Variants in DHX40 observed in about 807,000 individuals in gnomAD.
DHX40 encodes probable ATP-dependent RNA helicase DHX40.
DHX40 carries 28 observed loss-of-function variants against 89.6 expected under a neutral mutation model. The observed-to-expected ratio is 0.31, with a 90% CI of 0.23 to 0.43. DHX40 has a LOEUF of 0.43. DHX40 is among the 20% of genes least tolerant of loss of function. The pLI, the probability that DHX40 is intolerant of heterozygous loss-of-function variation, is 1.00. For missense variants in DHX40, 457 were observed against 844.0 expected (o/e 0.54, Z 5.68); for synonymous variants, 226 against 283.6 (o/e 0.80, Z 2.04).
At chr17:59,602,691 T>G in intron 15 of DHX40, 75 bp downstream of exon 15, 1 of 1,231,422 alleles carries the variant, frequency 8.1e-7, no homozygotes, top group Non-Finnish European at 1.2e-6. Flanking sequence ...TATTTAATAT[T>G]AAACATTGAA....
At chr17:59,583,221 C>T (rs1255887287) in intron 10 of DHX40, among the ~76,000 whole-genome samples, 3 of 4,058 alleles carry the variant, frequency 7.4e-4, no homozygotes, top group Middle Eastern at 0.021. Flanking sequence ...AGTATAGTTG[C>T]CAGATAGCCC....
intron 3 of DHX40, among the ~76,000 whole-genome samples, chr17:59,571,968 T>C (rs1382623424): frequency 6.6e-6 from 1 of 152,240 alleles, no homozygotes; most frequent in African/African-American, 2.4e-5. Flanking sequence ...GTCACTCTTA[T>C]TTCACTGAGC....
intron 7 of DHX40, among the ~76,000 whole-genome samples, chr17:59,575,995 T>C (rs2048877037): frequency 6.8e-6 from 1 of 147,772 alleles, no homozygotes; most frequent in Admixed American, 6.7e-5. Flanking sequence ...GTTCAAGCGA[T>C]TCTCCTTCCT....
chr17:59,585,270 G>A (rs1208124829), intron 10 of DHX40, among the ~76,000 whole-genome samples: 1 of 109,218 alleles, frequency 9.2e-6, no homozygotes, highest in Non-Finnish European at 1.8e-5. Context: ...CATGGTGGCA[G>A]GTGCCTGTAA....
At chr17:59,603,932 T>C (rs966913900) in intron 15 of DHX40, 1 of 152,156 alleles carries the variant, frequency 6.6e-6, no homozygotes, top group African/African-American at 2.4e-5. Context: ...CTGAGGGACA[T>C]ACCACACAGT....
chr17:59,599,384 A>G lies in DHX40; in HGVS notation c.1707A>G (p.Pro569=). Residue 569 remains proline, a synonymous_variant, in exon 14 of 18, where the codon CCA becomes CCG. Transcript: ENST00000251241. ...GTTTTTTGTTTTGCAGTGGAGCTCC[A>G]GCTTCATGGTGCCAAAAACACTGGA... ...IFEQCKSSGA[P]ASWCQKHWIH... is the part of the protein sequence containing the mutation. 2 of 1,570,876 alleles carry G rather than the reference A, an allele frequency of 1.3e-6. No homozygotes were observed. Among genetic ancestry groups the G allele is most frequent in the Non-Finnish European group, 8.7e-7 (1 of 1,149,992 alleles).
At position 59,565,766 on chromosome 17, in the gene DHX40, T is replaced by A. The variant is rs1440164378; in HGVS notation, c.95T>A (p.Val32Asp). 6.2e-7 allele frequency: 1 copy of A among 1,602,918 alleles called. No homozygotes were observed. The highest frequency in any genetic ancestry group is 8.5e-7 in the Non-Finnish European group (1 of 1,178,344). ...RDLQEERLSA[V>D]CIADREEKGC... ...CTCCAGGAAGAGCGGCTCTCGGCTG[T>A]TTGCATCGCCGATAGAGGTGCGGTC... The change falls in exon 1 of 18, where the codon GTT becomes GAT. Residue 32 changes from valine to aspartate, a missense_variant. Val to Asp is a radical substitution (Grantham distance 152). Transcript: ENST00000251241.
chr17:59,605,837 C>T (rs1463056280), intron 17 of DHX40, 163 bp downstream of exon 17: 2 of 722,918 alleles, frequency 2.8e-6, no homozygotes, highest in African/African-American at 1.7e-5. Flanking sequence ...TGTTGGTGTG[C>T]ACCTGTAGTC....
intron 17 of DHX40, 100 bp downstream of exon 17, chr17:59,605,774 C>A: frequency 1.8e-6 from 2 of 1,133,470 alleles, no homozygotes; most frequent in African/African-American, 1.5e-5. Flanking sequence ...CCCACCTGGG[C>A]AATGTGGTGA....
chr17:59,585,685 T>C (rs1598155983), intron 10 of DHX40, among the ~76,000 whole-genome samples: 2 of 151,060 alleles, frequency 1.3e-5, no homozygotes, highest in East Asian at 3.9e-4. Context: ...ATCGTGCCAT[T>C]GCACTCCAGC....
chr17:59,570,800 A>AAGGG, intron 3 of DHX40, 137 bp downstream of exon 3: 2 of 803,148 alleles, frequency 2.5e-6, no homozygotes, highest in Non-Finnish European at 3.6e-6. Context: ...CTCCTACCTC[A>AAGGG]GCCCCTTGGG....
At chr17:59,603,120 T>C (rs2030636750) in intron 15 of DHX40, among the ~76,000 whole-genome samples, 1 of 152,088 alleles carries the variant, frequency 6.6e-6, no homozygotes, top group African/African-American at 2.4e-5. Flanking sequence ...CATAACTCTG[T>C]GAGTGATAAT....
At chr17:59,566,842 C>G (rs1555587354) in intron 2 of DHX40, 48 bp downstream of exon 2, 1 of 1,492,720 alleles carries the variant, frequency 6.7e-7, no homozygotes, top group East Asian at 2.4e-5. Context: ...AAAATATCCT[C>G]TTTTTAAAGG....
chr17:59,570,709 G>A, intron 3 of DHX40, 46 bp downstream of exon 3: 1 of 1,576,272 alleles, frequency 6.3e-7, no homozygotes, highest in Non-Finnish European at 8.6e-7. Context: ...TTATGGGACA[G>A]GGTCTTGCTC....
At chr17:59,576,738 T>C (rs2048887103) in intron 7 of DHX40, among the ~76,000 whole-genome samples, 1 of 152,200 alleles carries the variant, frequency 6.6e-6, no homozygotes, top group African/African-American at 2.4e-5. Context: ...AAAAACCCAT[T>C]ATGTTTGGTT....
At chr17:59,590,778 C>T (rs1488442894) in intron 12 of DHX40, among the ~76,000 whole-genome samples, 4 of 151,840 alleles carry the variant, frequency 2.6e-5, no homozygotes, top group Non-Finnish European at 4.4e-5. Context: ...CAGTTGCAGT[C>T]TGAAATGTCA....
At position 59,565,633 on chromosome 17, in the gene DHX40, G is replaced by C. The variant is rs375910663; in HGVS notation, c.-39G>C. 8.3e-6 allele frequency: 13 copies of C among 1,573,840 alleles called. No homozygotes were observed. Among genetic ancestry groups the C allele is most frequent in the African/African-American group, 4.0e-5 (3 of 74,356 alleles). ...TCGTCTTTCCCCTCCCATCTCCTCAGATCGGTGGACGTGCTCGCCTCCACT... is the reference window on the plus strand; with the variant it reads ...TCGTCTTTCCCCTCCCATCTCCTCACATCGGTGGACGTGCTCGCCTCCACT... On this transcript the variant is annotated 5_prime_UTR_variant, in exon 1 of 18. Coordinates refer to ENST00000251241, the MANE Select transcript of DHX40 (RefSeq NM_024612.5).
At chr17:59,566,830 T>C (rs371605827) in intron 2 of DHX40, 36 bp downstream of exon 2, 270 of 1,533,014 alleles carry the variant, frequency 1.8e-4, no homozygotes, top group Non-Finnish European at 2.0e-4. Flanking sequence ...GGAAATATTT[T>C]AAAAATATCC....
rs1469431586 is a variant in DHX40, at chr17:59,581,729, A to C, written c.1343+1850A>C. Among the ~76,000 whole-genome samples, 2 of 89,198 alleles carry C rather than the reference A, an allele frequency of 2.2e-5. 1 individual carries two copies. The highest frequency in any genetic ancestry group is 1.2e-4 in the African/African-American group (2 of 16,138). The allele number at this position is 89,198 out of a possible 152,430, so 58.5% of individuals were successfully genotyped here. A position where few individuals can be genotyped will look rare whatever the true frequency, so the allele number is the denominator to read the frequency against. On this transcript the variant is annotated intron_variant, in intron 10 of 17. Coordinates refer to ENST00000251241, the MANE Select transcript of DHX40 (RefSeq NM_024612.5). The stretch of plus-strand genomic sequence containing the variant: ...AGCCGAGATTGCGCCATCGCACTCC[A>C]GCCTGGGCAACAAGAGCGAAACTCT...
Sources: allele counts gnomAD v4.1 joint callset (sites outside exome capture counted in the v4.1 genomes callset), GRCh38; gene constraint gnomAD v4.1.1; transcripts MANE v1.5; gene names NCBI Gene and HGNC (gene_info 2026-07-23, HGNC 2026-07-21).